The following MATCAP2 variants were observed in gnomAD, a reference collection of about 807,000 sequenced individuals.
The protein encoded by MATCAP2 is putative tyrosine carboxypeptidase MATCAP2.
the MATCAP2 span, among the ~76,000 whole-genome samples, chr7:36,352,837 A>T: frequency 6.6e-6 from 1 of 151,512 alleles, no homozygotes; most frequent in African/African-American, 2.4e-5. Context: ...AAAAAAAAAA[A>T]AAAAGTATTA....
At chr7:36,326,175 TA>T in the MATCAP2 span, 1 of 152,178 alleles carries the variant, frequency 6.6e-6, no homozygotes, top group East Asian at 1.9e-4. Context: ...TATAAGCTGA[TA>T]AGGTGAAACA....
At chr7:36,359,133 T>G in the MATCAP2 span, among the ~76,000 whole-genome samples, 1 of 152,212 alleles carries the variant, frequency 6.6e-6, no homozygotes, top group Non-Finnish European at 1.5e-5. Context: ...ATGAGATAAC[T>G]GCAGACCTGA....
At chr7:36,383,835 G>T in the MATCAP2 span, 1 of 1,498,270 alleles carries the variant, frequency 6.7e-7, no homozygotes, top group African/African-American at 1.4e-5. Context: ...AAGTGTAAAA[G>T]AAGTGGCCCT....
the MATCAP2 span, among the ~76,000 whole-genome samples, chr7:36,372,315 A>G: frequency 6.6e-6 from 1 of 152,186 alleles, no homozygotes; most frequent in South Asian, 2.1e-4. Context: ...CTTGATTCAT[A>G]AAAGAGGAGG....
the MATCAP2 span, among the ~76,000 whole-genome samples, chr7:36,377,019 A>T: frequency 1.8e-3 from 267 of 152,220 alleles, no homozygotes; most frequent in Middle Eastern, 0.024. Context: ...GGGTCTCCTG[A>T]ATACAGCACA....
chr7:36,372,685 C>G, the MATCAP2 span, among the ~76,000 whole-genome samples: 1 of 152,070 alleles, frequency 6.6e-6, no homozygotes, highest in Non-Finnish European at 1.5e-5. Context: ...TTTGGAGAAA[C>G]CAAGATGTGC....
At chr7:36,388,307 A>T in the MATCAP2 span, among the ~76,000 whole-genome samples, 5 of 152,220 alleles carry the variant, frequency 3.3e-5, no homozygotes, top group South Asian at 8.3e-4. Context: ...GTTAAAAAAA[A>T]AAAAAACCCA....
At chr7:36,384,981 C>A in the MATCAP2 span, among the ~76,000 whole-genome samples, 3 of 152,080 alleles carry the variant, frequency 2.0e-5, no homozygotes, top group Non-Finnish European at 2.9e-5. Flanking sequence ...TATTGGATAT[C>A]ATTTTAATTA....
chr7:36,334,263 G>A, the MATCAP2 span: 16 of 1,003,936 alleles, frequency 1.6e-5, no homozygotes, highest in African/African-American at 8.1e-5. Context: ...CCAGCCAGGC[G>A]CGGTGGCTCA....
the MATCAP2 span, among the ~76,000 whole-genome samples, chr7:36,340,904 AT>A: frequency 1.3e-5 from 2 of 152,334 alleles, no homozygotes; most frequent in Admixed American, 6.5e-5. Flanking sequence ...TCTAATCCCA[AT>A]TTTGGAAAAA....
the MATCAP2 span, chr7:36,357,227 C>G: frequency 6.2e-7 from 1 of 1,614,110 alleles, no homozygotes; most frequent in Non-Finnish European, 8.5e-7. Context: ...CTTTACAGGA[C>G]TTGACACTGA....
chr7:36,372,077 G>GAA, the MATCAP2 span, among the ~76,000 whole-genome samples: 349 of 147,764 alleles, frequency 2.4e-3, 1 homozygote, highest in Non-Finnish European at 3.0e-3. Flanking sequence ...GCTTGCAACT[G>GAA]AAAAAAAAAA....
chr7:36,371,224 G>A, the MATCAP2 span, among the ~76,000 whole-genome samples: 2 of 152,014 alleles, frequency 1.3e-5, no homozygotes, highest in African/African-American at 4.8e-5. Context: ...TCTTACCTAA[G>A]CCTCAGCCTC....
At chr7:36,335,868 C>T in the MATCAP2 span, among the ~76,000 whole-genome samples, 7 of 152,100 alleles carry the variant, frequency 4.6e-5, no homozygotes, top group African/African-American at 1.4e-4. Context: ...GTCAGGAGTT[C>T]GAGACCAGCC....
chr7:36,328,728 G>C, the MATCAP2 span, among the ~76,000 whole-genome samples: 1 of 151,388 alleles, frequency 6.6e-6, no homozygotes, highest in African/African-American at 2.4e-5. Context: ...CTGGGCGACA[G>C]AGTAAGACTC....
the MATCAP2 span, among the ~76,000 whole-genome samples, chr7:36,380,495 T>C: frequency 1.4e-4 from 22 of 152,306 alleles, no homozygotes; most frequent in African/African-American, 1.9e-4. Context: ...AGTTAGAGAT[T>C]AGCAAGTTAA....
chr7:36,355,582 TTAAG>T, the MATCAP2 span: 1 of 152,224 alleles, frequency 6.6e-6, no homozygotes, highest in African/African-American at 2.4e-5. Flanking sequence ...CTTTACATAA[TTAAG>T]TTTTACATAA....
At chr7:36,377,256 G>A in the MATCAP2 span, among the ~76,000 whole-genome samples, 22 of 152,182 alleles carry the variant, frequency 1.4e-4, no homozygotes, top group African/African-American at 4.6e-4. Flanking sequence ...TCCTTTCCAC[G>A]TTTAGTGCTT....
At chr7:36,333,621 T>G in the MATCAP2 span, among the ~76,000 whole-genome samples, 1 of 152,128 alleles carries the variant, frequency 6.6e-6, no homozygotes, top group African/African-American at 2.4e-5. Flanking sequence ...GAAGGGTAGA[T>G]GGGTGTTCAT....
Sources: allele counts gnomAD v4.1 joint callset (sites outside exome capture counted in the v4.1 genomes callset), GRCh38; gene constraint gnomAD v4.1.1; transcripts MANE v1.5; gene names NCBI Gene and HGNC (gene_info 2026-07-23, HGNC 2026-07-21).